RAD18: variants seen among roughly 807,000 people sequenced by gnomAD.
RAD18 encodes E3 ubiquitin-protein ligase RAD18.
In RAD18, 47 loss-of-function variants were observed where a neutral mutation model predicts 60.4. That is an observed-to-expected ratio of 0.78 (90% CI 0.62 to 0.99). The LOEUF is 0.99. Ranked by LOEUF, RAD18 falls within the 50% of genes least tolerant of loss-of-function variation. The pLI, the probability that RAD18 is intolerant of heterozygous loss-of-function variation, is 0.00. For synonymous variants in RAD18, 225 were observed against 195.5 expected (o/e 1.15, Z -1.26); for missense variants, 640 against 593.3 (o/e 1.08, Z -0.82).
rs112717122 is a variant in RAD18 at position 8,881,148 on chromosome 3, T to G, written c.*209A>C. ...AAATGTCAGTATTTTTAGAGAGAGA[T>G]GTTTTAGAGGCAGGAGGCAACTGAC... On this transcript the variant is annotated 3_prime_UTR_variant, in exon 13 of 13. Transcript: ENST00000264926. 8.6e-5 allele frequency: 43 copies of G among 497,378 alleles called. No individual in the cohort carries two copies. The highest frequency in any genetic ancestry group is 6.1e-4 in the African/African-American group (31 of 50,562). The allele number at this position is 497,378 out of a possible 1,614,324, so 30.8% of individuals were successfully genotyped here.
intron 7 of RAD18, among the ~76,000 whole-genome samples, chr3:8,925,257 T>C (rs1055040697): frequency 1.3e-4 from 19 of 151,854 alleles, no homozygotes; most frequent in East Asian, 3.9e-4. Flanking sequence ...GAAATACAAA[T>C]TACCATCAGA....
In RAD18 at chr3:8,902,391, G is replaced by C; in HGVS notation, c.1157C>G (p.Ser386Cys). Residue 386 changes from serine (S) to cysteine (C), a missense_variant, in exon 10 of 13, where the codon TCT becomes TGT. Ser to Cys is a moderately radical substitution (Grantham distance 112, BLOSUM62 -1). Transcript: ENST00000264926. ...TTATAGTCTCTTACCCATGCATACA[G>C]AAGATAGCTTTTCTGTAGATTCATC... ...KEDESTEKLS[S>C]VCMGQEDNMT... The C allele has an allele frequency of 6.3e-7, 1 of 1,599,340 alleles. No homozygotes were observed. The highest frequency in any genetic ancestry group is 8.5e-7 in the Non-Finnish European group (1 of 1,172,978).
intron 12 of RAD18, among the ~76,000 whole-genome samples, chr3:8,885,880 G>T (rs1473882367): frequency 2.6e-5 from 4 of 152,158 alleles, no homozygotes; most frequent in Admixed American, 6.6e-5. Context: ...AGGACATAAA[G>T]GCACCCAACT....
chr3:8,890,479 C>T, intron 11 of RAD18, 28 bp from the exon 12 acceptor site: 2 of 1,480,364 alleles, frequency 1.4e-6, no homozygotes, highest in Non-Finnish European at 1.9e-6. Context: ...TCAGTATTGA[C>T]AGACAACAAG....
rs1045076658 is a variant in RAD18 at position 8,913,689 on chromosome 3, T to C, written c.921A>G (p.Ile307Met). 9 of 1,580,286 alleles carry C rather than the reference T, an allele frequency of 5.7e-6. No individual in the cohort carries two copies. Among genetic ancestry groups the C allele is most frequent in the African/African-American group, 1.4e-5 (1 of 73,490 alleles). ...AAEIVREIEN[I>M]EKTRMRLEAS... ...CTTCAAGACGCATCCTAGTCTTCTC[T>C]ATATTTTCGATTTCTCGAACTATTT... The change falls in exon 8 of 13, where the codon ATA (isoleucine) becomes ATG (methionine). Residue 307 changes from isoleucine (I) to methionine (M), a missense_variant. By Grantham distance (10) the Ile-to-Met change is conservative (BLOSUM62 1). Coordinates refer to ENST00000264926, the MANE Select transcript of RAD18 (RefSeq NM_020165.4).
intron 7 of RAD18, among the ~76,000 whole-genome samples, chr3:8,925,132 T>C (rs1255949547): frequency 1.3e-5 from 2 of 151,938 alleles, no homozygotes; most frequent in African/African-American, 4.8e-5. Flanking sequence ...GCTGGTTTTT[T>C]GAAAAAATCA....
At chr3:8,897,477 G>C (rs923910952) in intron 11 of RAD18, among the ~76,000 whole-genome samples, 1 of 152,106 alleles carries the variant, frequency 6.6e-6, no homozygotes, top group Non-Finnish European at 1.5e-5. Flanking sequence ...GCACAGCAAG[G>C]CCAAATCTAT....
chr3:8,961,922 CT>C, intron 1 of RAD18, among the ~76,000 whole-genome samples: 1 of 152,346 alleles, frequency 6.6e-6, no homozygotes, highest in Non-Finnish European at 1.5e-5. Flanking sequence ...AGCTCTTTTA[CT>C]TTCCTTATCC....
intron 4 of RAD18, among the ~76,000 whole-genome samples, chr3:8,942,978 C>T (rs1940779228): frequency 1.3e-5 from 2 of 152,176 alleles, no homozygotes; most frequent in South Asian, 2.1e-4. Context: ...TCAAGTGACA[C>T]CCCACAAAGA....
chr3:8,962,614 C>T (rs528982393), intron 1 of RAD18, among the ~76,000 whole-genome samples: 10 of 152,316 alleles, frequency 6.6e-5, no homozygotes, highest in African/African-American at 2.2e-4. Flanking sequence ...GATCTTTATC[C>T]AGCACAGCAA....
At chr3:8,924,047 C>G (rs1208673149) in intron 7 of RAD18, among the ~76,000 whole-genome samples, 1 of 152,196 alleles carries the variant, frequency 6.6e-6, no homozygotes, top group Admixed American at 6.5e-5. Flanking sequence ...ATGACAGAAT[C>G]AAATTCACAC....
intron 11 of RAD18, among the ~76,000 whole-genome samples, chr3:8,896,417 G>C (rs1939784303): frequency 6.7e-6 from 1 of 149,450 alleles, no homozygotes; most frequent in African/African-American, 2.5e-5. Context: ...CTGAGATTTG[G>C]AGAACAGCAA....
chr3:8,956,205 C>CT (rs1473351870), intron 2 of RAD18, among the ~76,000 whole-genome samples: 1 of 152,146 alleles, frequency 6.6e-6, no homozygotes, highest in Non-Finnish European at 1.5e-5. Flanking sequence ...TATGGTTTCT[C>CT]TTTGTCATAT....
chr3:8,902,627 T>A, intron 9 of RAD18, 107 bp from the exon 10 acceptor site: 1 of 1,164,112 alleles, frequency 8.6e-7, no homozygotes, highest in Non-Finnish European at 1.2e-6. Flanking sequence ...CATGGTGGCT[T>A]ACGCCTGTAA....
At chr3:8,918,190 T>C (rs1308872500) in intron 7 of RAD18, among the ~76,000 whole-genome samples, 1 of 151,938 alleles carries the variant, frequency 6.6e-6, no homozygotes, top group Non-Finnish European at 1.5e-5. Flanking sequence ...TGGTGGCTCA[T>C]GCCTGTAGTC....
At position 8,920,296 on chromosome 3, in the gene RAD18, A is replaced by AAG. The variant is rs1940294235; in HGVS notation, c.890-6577_890-6576insCT. Among the ~76,000 whole-genome samples, 3 of 151,758 alleles carry AAG rather than the reference A, an allele frequency of 2.0e-5. No individual in the cohort carries two copies. In the South Asian group the frequency reaches 6.2e-4, roughly 31 times the overall value. On this transcript the variant is annotated intron_variant, in intron 7 of 12. Coordinates refer to ENST00000264926, the MANE Select transcript of RAD18 (RefSeq NM_020165.4). Reference sequence around the variant, plus strand: ...TCCGTCTCAAAAAAAAAAAAAAAAAAAAGAAAAAGAAAATAATAATAAGGC... The same window carrying AAG: ...TCCGTCTCAAAAAAAAAAAAAAAAAAAGAAGAAAAAGAAAATAATAATAAGGC...
chr3:8,920,278 CAAAAA>C (rs60504682), intron 7 of RAD18, among the ~76,000 whole-genome samples: 1 of 70,066 alleles, frequency 1.4e-5, no homozygotes, highest in Non-Finnish European at 3.3e-5. Context: ...GACTCCGTCT[CAAAAA>C]AAAAAAAAAA....
intron 7 of RAD18, among the ~76,000 whole-genome samples, chr3:8,920,611 G>A (rs1368466007): frequency 6.6e-6 from 1 of 152,038 alleles, no homozygotes; most frequent in Non-Finnish European, 1.5e-5. Context: ...CAAATGAGGG[G>A]TACACAGATG....
At chr3:8,916,202 C>A (rs1309103510) in intron 7 of RAD18, among the ~76,000 whole-genome samples, 1 of 152,172 alleles carries the variant, frequency 6.6e-6, no homozygotes, top group East Asian at 1.9e-4. Context: ...TGGGCCCTGA[C>A]CCATAGAGGA....
Sources: allele counts gnomAD v4.1 joint callset (sites outside exome capture counted in the v4.1 genomes callset), GRCh38; gene constraint gnomAD v4.1.1; transcripts MANE v1.5; gene names NCBI Gene and HGNC (gene_info 2026-07-23, HGNC 2026-07-21).